Variants in MAPK10 observed in about 807,000 individuals in gnomAD.
MAPK10 encodes mitogen-activated protein kinase 10.
In MAPK10, 25 loss-of-function variants were observed where a neutral mutation model predicts 59.3. That is an observed-to-expected ratio of 0.42 (90% CI 0.31 to 0.59). MAPK10 has a LOEUF of 0.59. Ranked by LOEUF, MAPK10 falls within the 20% of genes least tolerant of loss-of-function variation. The pLI, the probability that MAPK10 is intolerant of heterozygous loss-of-function variation, is 0.15. For synonymous variants in MAPK10, 190 were observed against 200.5 expected, an observed-to-expected ratio of 0.95 and a Z score of 0.44; for missense variants, 351 against 568.9, an observed-to-expected ratio of 0.62 and a Z score of 3.90.
At chr4:86,480,121 A>G (rs2149070435) in intron 1 of MAPK10, among the ~76,000 whole-genome samples, 1 of 152,282 alleles carries the variant, frequency 6.6e-6, no homozygotes, top group South Asian at 2.1e-4. Flanking sequence ...GCACGTATAC[A>G]CCTAGATGGC....
intron 4 of MAPK10, among the ~76,000 whole-genome samples, chr4:86,154,632 A>G (rs1015123314): frequency 6.6e-6 from 1 of 152,106 alleles, no homozygotes; most frequent in Non-Finnish European, 1.5e-5. Flanking sequence ...AAGCAATTTT[A>G]TGTATCTAGC....
chr4:86,413,250 A>G (rs934478776), intron 1 of MAPK10, among the ~76,000 whole-genome samples: 2 of 152,086 alleles, frequency 1.3e-5, no homozygotes, highest in African/African-American at 4.8e-5. Context: ...AGAACAGCAA[A>G]TATTGCTGCC....
At chr4:86,072,862 G>A (rs2048342276) in intron 9 of MAPK10, among the ~76,000 whole-genome samples, 1 of 83,684 alleles carries the variant, frequency 1.2e-5, no homozygotes, top group Non-Finnish European at 2.3e-5. Context: ...CTCTTTTTTG[G>A]TTGTGTCTCT....
rs532405692 is a variant in MAPK10 at position 86,564,536 on chromosome 4, G to A, written c.-263+29374C>T. ...AAGCCAACCAAAGAAAGAAGATAAG[G>A]AACAGTTGTGTAAAACATTTATTTG... On this transcript the variant is annotated intron_variant, in intron 1 of 4. Coordinates refer to the MAPK10 transcript ENST00000502302. Among the ~76,000 whole-genome samples, 11 of 152,090 alleles carry A rather than the reference G, an allele frequency of 7.2e-5. No homozygotes were observed. The South Asian group carries it at 1.9e-3, about 26-fold the overall frequency.
In MAPK10 at chr4:86,381,843, C is replaced by A. The variant is rs552744988; in HGVS notation, c.-121-27199G>T. On this transcript the variant is annotated intron_variant, in intron 1 of 13. Coordinates refer to the MAPK10 transcript ENST00000361569. The stretch of plus-strand genomic sequence containing the variant: ...TAGTGCTTAACACTCCTAGACCCAA[C>A]AAGGAGTGAGTCCAGAAGAGTCACC... Among the ~76,000 whole-genome samples, 46 of 152,226 alleles carry A rather than the reference C, an allele frequency of 3.0e-4. No homozygotes were observed. In the South Asian group the frequency reaches 8.3e-3, roughly 27 times the overall value.
At chr4:86,115,216 C>A (rs1485374007) in intron 4 of MAPK10, among the ~76,000 whole-genome samples, 1 of 152,206 alleles carries the variant, frequency 6.6e-6, no homozygotes, top group Non-Finnish European at 1.5e-5. Context: ...ACAGGATGCA[C>A]AGATCCATGG....
intron 4 of MAPK10, among the ~76,000 whole-genome samples, chr4:86,153,672 T>C (rs2067001910): frequency 6.6e-6 from 1 of 152,134 alleles, no homozygotes; most frequent in South Asian, 2.1e-4. Context: ...CCACATTTTC[T>C]TCGTAAAGGA....
intron 9 of MAPK10, among the ~76,000 whole-genome samples, chr4:86,083,381 G>A (rs12643642): frequency 2.6e-5 from 4 of 152,166 alleles, no homozygotes; most frequent in Admixed American, 2.6e-4. Flanking sequence ...GTGCTGGGGA[G>A]AGGGAGAGCA....
At position 86,078,100 on chromosome 4, in the gene MAPK10, TATC is replaced by T. The variant is rs370991847; in HGVS notation, c.803-10148_803-10146del. Among the ~76,000 whole-genome samples, 8 of 152,316 alleles carry T rather than the reference TATC, an allele frequency of 5.3e-5. No homozygotes were observed. In the East Asian group the frequency reaches 1.5e-3, roughly 29 times the overall value. On this transcript the variant is annotated intron_variant, in intron 9 of 13. Transcript: ENST00000641462. ...TTCTGAGTCCACAGGTCTGGGCTGATATCATAAAAAACACCAGTGGTAATTGTA... is the reference window on the plus strand; with the variant it reads ...TTCTGAGTCCACAGGTCTGGGCTGATATAAAAAACACCAGTGGTAATTGTA...
At chr4:86,294,528 A>C (rs1224874602) in intron 2 of MAPK10, among the ~76,000 whole-genome samples, 2 of 147,870 alleles carry the variant, frequency 1.4e-5, no homozygotes, top group Non-Finnish European at 3.0e-5. Context: ...TCCTACTGTG[A>C]AAAAGAAAAA....
At chr4:86,341,947 C>T (rs1023449159) in intron 2 of MAPK10, among the ~76,000 whole-genome samples, 8 of 151,942 alleles carry the variant, frequency 5.3e-5, no homozygotes, top group Non-Finnish European at 1.0e-4. Context: ...GAAACTGAAG[C>T]GTAAGAGGTT....
At chr4:86,429,049 T>C (rs1040753060) in intron 1 of MAPK10, among the ~76,000 whole-genome samples, 1 of 152,220 alleles carries the variant, frequency 6.6e-6, no homozygotes, top group African/African-American at 2.4e-5. Flanking sequence ...AATATTATCA[T>C]TGAACAAGGT....
chr4:86,052,690 G>A (rs2043804682), intron 11 of MAPK10, among the ~76,000 whole-genome samples: 1 of 152,058 alleles, frequency 6.6e-6, no homozygotes, highest in African/African-American at 2.4e-5. Context: ...GTATATACTC[G>A]GGTGTTGTTG....
rs775334140 is a variant in MAPK10, at chr4:86,159,338, T to C, written c.196A>G (p.Asn66Asp). The C allele has an allele frequency of 1.2e-6, 2 of 1,612,256 alleles. No individual in the cohort carries two copies. The highest frequency in any genetic ancestry group is 2.2e-5 in the South Asian group (2 of 90,922). Residue 66 changes from asparagine (N) to aspartate (D), a missense_variant, in exon 4 of 14, where the codon AAT becomes GAT. Asn to Asp is a conservative substitution (Grantham distance 23, BLOSUM62 1). This residue lies in a region of MAPK10 where 8 missense variants were observed against 35.8 expected (regional missense o/e 0.22). Transcript: ENST00000641462. Reference sequence around the variant, plus strand: ...GCCCCAGAGCCAATAGGCTTTAGATTCTGGTAGCGCTTGAGAACTGTGAAG... The same window carrying C: ...GCCCCAGAGCCAATAGGCTTTAGATCCTGGTAGCGCTTGAGAACTGTGAAG... ...STFTVLKRYQ[N>D]LKPIGSGAQG...
intron 3 of MAPK10, among the ~76,000 whole-genome samples, chr4:86,169,057 C>CATCT (rs906503175): frequency 3.9e-5 from 6 of 152,122 alleles, no homozygotes; most frequent in African/African-American, 1.2e-4. Context: ...ACCAAAAACC[C>CATCT]ATCTGTACAT....
chr4:86,076,847 A>T (rs950638299), intron 9 of MAPK10, among the ~76,000 whole-genome samples: 3 of 152,166 alleles, frequency 2.0e-5, no homozygotes, highest in Non-Finnish European at 4.4e-5. Flanking sequence ...TTTGTAGAAG[A>T]ATTTATTTGC....
intron 11 of MAPK10, among the ~76,000 whole-genome samples, chr4:86,035,403 G>A (rs973455218): frequency 1.4e-5 from 2 of 144,842 alleles, no homozygotes; most frequent in Non-Finnish European, 3.0e-5. Flanking sequence ...AAATGATCCA[G>A]GGTATCATGA....
At position 86,334,078 on chromosome 4, in the gene MAPK10, T is replaced by C. The variant is rs151023671; in HGVS notation, c.-7+20452A>G. 2.6e-4 allele frequency among the ~76,000 whole-genome samples: 39 copies of C among 152,280 alleles called. 1 individual carries two copies. In the East Asian group the frequency reaches 7.3e-3, roughly 29 times the overall value. On this transcript the variant is annotated intron_variant, in intron 2 of 13. Coordinates refer to ENST00000641462, the MANE Select transcript of MAPK10 (RefSeq NM_138982.4). ...CAATAAACATATGTATGCAACTGCC[T>C]GCTGGATATTTCAAATTCAACATGT...
At chr4:86,556,062 C>G (rs778455619) in intron 1 of MAPK10, among the ~76,000 whole-genome samples, 4 of 152,192 alleles carry the variant, frequency 2.6e-5, no homozygotes, top group Non-Finnish European at 5.9e-5. Context: ...TGCATTTTAT[C>G]TGGTCATTTA....
Sources: allele counts gnomAD v4.1 joint callset (sites outside exome capture counted in the v4.1 genomes callset), GRCh38; gene constraint gnomAD v4.1.1; regional missense constraint gnomAD v4.1.1; transcripts MANE v1.5; gene names NCBI Gene and HGNC (gene_info 2026-07-23, HGNC 2026-07-21).